The following GNG2 variants were observed in gnomAD, a reference collection of about 807,000 sequenced individuals.
The protein encoded by GNG2 is G protein subunit gamma 2, also known as guanine nucleotide-binding protein G(I)/G(S)/G(O) subunit gamma-2.
GNG2 carries 5 observed loss-of-function variants against 5.5 expected under a neutral mutation model. That is an observed-to-expected ratio of 0.91 (90% CI 0.48 to 1.92). The LOEUF is 1.92. Among genes scored for constraint, GNG2 ranks in the 30% most tolerant of loss-of-function variants. The pLI, the probability that GNG2 is intolerant of heterozygous loss-of-function variation, is 0.01. For missense variants in GNG2, 55 were observed against 88.4 expected, an observed-to-expected ratio of 0.62 and a Z score of 1.52; for synonymous variants, 28 against 32.0, an observed-to-expected ratio of 0.88 and a Z score of 0.42.
chr14:51,886,263 G>GT (rs1230850437), intron 2 of GNG2, among the ~76,000 whole-genome samples: 16 of 152,170 alleles, frequency 1.1e-4, no homozygotes, highest in African/African-American at 3.6e-4. Flanking sequence ...CACATTCACT[G>GT]TTCTCATAAG....
At chr14:51,908,193 G>A (rs1369913749) in intron 2 of GNG2, among the ~76,000 whole-genome samples, 1 of 152,218 alleles carries the variant, frequency 6.6e-6, no homozygotes, top group African/African-American at 2.4e-5. Flanking sequence ...GGAGGCCTCA[G>A]TTTCTCTTGG....
chr14:51,872,045 T>C (rs532021429), intron 1 of GNG2, among the ~76,000 whole-genome samples: 19 of 152,324 alleles, frequency 1.2e-4, no homozygotes, highest in African/African-American at 4.3e-4. Context: ...GGTTGAAGGA[T>C]AGAAGTGTTC....
upstream of GNG2, among the ~76,000 whole-genome samples, chr14:51,856,149 C>A (rs1342929118): frequency 1.1e-4 from 16 of 151,800 alleles, no homozygotes; most frequent in Non-Finnish European, 8.8e-5. Context: ...CTGCACTACA[C>A]CCTGGGTAAC....
At chr14:51,942,184 A>G (rs1405176122) in intron 2 of GNG2, among the ~76,000 whole-genome samples, 2 of 152,250 alleles carry the variant, frequency 1.3e-5, no homozygotes, top group African/African-American at 4.8e-5. Flanking sequence ...AATAGGGATT[A>G]TAAGACATAA....
chr14:51,957,483 G>T (rs1889340343), intron 3 of GNG2, among the ~76,000 whole-genome samples: 1 of 152,048 alleles, frequency 6.6e-6, no homozygotes, highest in Non-Finnish European at 1.5e-5. Context: ...TGCATGTGTG[G>T]TGCAAACAAT....
chr14:51,881,996 C>G (rs868599065), intron 2 of GNG2, among the ~76,000 whole-genome samples: 2 of 151,984 alleles, frequency 1.3e-5, no homozygotes, highest in African/African-American at 4.8e-5. Flanking sequence ...AAATCTTTAC[C>G]AATTTTTGTG....
At chr14:51,847,383 C>A (rs1473015746) in intron 2 of GNG2, 1 of 152,302 alleles carries the variant, frequency 6.6e-6, no homozygotes, top group Non-Finnish European at 1.5e-5. Flanking sequence ...AAGCAGGTAA[C>A]CGACGTTGTG....
intron 1 of GNG2, among the ~76,000 whole-genome samples, chr14:51,872,556 G>A (rs186677631): frequency 2.4e-4 from 36 of 152,218 alleles, no homozygotes; most frequent in Admixed American, 9.8e-4. Flanking sequence ...TAATCATTAG[G>A]TAATGTTCCC....
At chr14:51,859,587 G>A (rs1244377599), upstream of GNG2, among the ~76,000 whole-genome samples, 2 of 152,202 alleles carry the variant, frequency 1.3e-5, no homozygotes, top group Non-Finnish European at 2.9e-5. Context: ...TATTTCCAAT[G>A]TAGAGCATGA....
At chr14:51,902,765 G>A (rs911793547) in intron 2 of GNG2, among the ~76,000 whole-genome samples, 29 of 152,126 alleles carry the variant, frequency 1.9e-4, no homozygotes, top group Non-Finnish European at 1.0e-4. Flanking sequence ...GTGCACAACT[G>A]TAGTCTCAGC....
intron 2 of GNG2, among the ~76,000 whole-genome samples, chr14:51,888,766 C>T (rs566946281): frequency 1.3e-5 from 2 of 152,220 alleles, no homozygotes. Context: ...AGGTTGAGTA[C>T]GCAGCTGGAA....
chr14:51,912,836 G>GT (rs1886372602), intron 2 of GNG2, among the ~76,000 whole-genome samples: 1 of 112,424 alleles, frequency 8.9e-6, no homozygotes, highest in African/African-American at 3.4e-5. Flanking sequence ...TACTGGCTTG[G>GT]TTTTGGGGGT....
chr14:51,849,881 C>T (rs1158633805), intron 2 of GNG2, among the ~76,000 whole-genome samples: 1 of 148,894 alleles, frequency 6.7e-6, no homozygotes, highest in African/African-American at 2.5e-5. Context: ...ATTGTTGCAG[C>T]TCATTGCAGC....
upstream of GNG2, among the ~76,000 whole-genome samples, chr14:51,858,166 AC>A (rs966860712): frequency 2.5e-4 from 38 of 152,122 alleles, no homozygotes; most frequent in Admixed American, 5.2e-4. Context: ...CACTTTGCAA[AC>A]TTGGTATGCA....
intron 2 of GNG2, among the ~76,000 whole-genome samples, chr14:51,882,715 A>G (rs1417690526): frequency 6.6e-6 from 1 of 152,224 alleles, no homozygotes; most frequent in East Asian, 1.9e-4. Flanking sequence ...AAGTTTTTTA[A>G]TAGCCTATAG....
At chr14:51,915,910 T>C (rs1307735732) in intron 2 of GNG2, among the ~76,000 whole-genome samples, 1 of 152,196 alleles carries the variant, frequency 6.6e-6, no homozygotes, top group Non-Finnish European at 1.5e-5. Context: ...ACTGTGGTGG[T>C]AGGTTTCAGG....
chr14:51,877,578 C>T (rs1463175650), intron 1 of GNG2, 39 bp from the exon 2 acceptor site: 3 of 454,014 alleles, frequency 6.6e-6, no homozygotes, highest in Non-Finnish European at 1.3e-5. Context: ...GTTATTTTTC[C>T]TTTTAAAAAA....
chr14:51,911,877 T>C (rs1886322053), intron 2 of GNG2, among the ~76,000 whole-genome samples: 1 of 125,278 alleles, frequency 8.0e-6, no homozygotes, highest in Admixed American at 7.6e-5. Context: ...TTTTTTTTTT[T>C]TGTTGTTATT....
intron 2 of GNG2, chr14:51,916,051 C>T (rs897070731): frequency 6.5e-6 from 1 of 152,830 alleles, no homozygotes; most frequent in African/African-American, 2.4e-5. Context: ...AGAACAGGAG[C>T]CTATTCCTGT....
Sources: gnomAD v4.1 joint callset for allele counts (sites outside exome capture counted in the v4.1 genomes callset) on GRCh38, gnomAD v4.1.1 for gene constraint, MANE v1.5 for transcripts, NCBI Gene and HGNC (gene_info 2026-07-23, HGNC 2026-07-21) for gene names.